EPB41: variants seen among roughly 807,000 people sequenced by gnomAD.
EPB41 encodes the protein protein 4.1.
In EPB41, 65 loss-of-function variants were observed where a neutral mutation model predicts 108.0. That is an observed-to-expected ratio of 0.60 (90% confidence interval 0.49 to 0.74). The LOEUF (loss-of-function observed/expected upper bound fraction) is 0.74. Ranked by LOEUF, EPB41 falls within the 30% of genes least tolerant of loss-of-function variation. EPB41 has a pLI of 0.00. For missense variants in EPB41, 875 were observed against 1,037.0 expected (o/e 0.84, Z 2.15); for synonymous variants, 336 against 358.9 (o/e 0.94, Z 0.72).
chr1:29,095,963 G>T (rs1022306148), intron 16 of EPB41, among the ~76,000 whole-genome samples: 6 of 152,108 alleles, frequency 3.9e-5, no homozygotes, highest in Non-Finnish European at 7.4e-5. Flanking sequence ...AACTTAGGTT[G>T]GAACTGCTTA....
intron 17 of EPB41, among the ~76,000 whole-genome samples, chr1:29,098,907 G>A (rs776814909): frequency 2.0e-5 from 3 of 150,894 alleles, no homozygotes; most frequent in African/African-American, 4.9e-5. Flanking sequence ...TGTATTTTTC[G>A]TAGAGTTGGG....
chr1:28,991,957 T>C lies in EPB41; in HGVS notation c.469-1373T>C, dbSNP rs571733244. Among the ~76,000 whole-genome samples the C allele has an allele frequency of 2.0e-5, 3 of 152,320 alleles. No individual in the cohort carries two copies. In the South Asian group the frequency reaches 6.2e-4, roughly 32 times the overall value. On this transcript the variant is annotated intron_variant, in intron 2 of 20. Coordinates refer to ENST00000343067, the MANE Select transcript of EPB41 (RefSeq NM_001376013.1). ...TAGAATAGTGACTGGCCCATTGTAA[T>C]TGTTGTATAAATGTTTGGTATTATT...
chr1:28,987,825 G>T lies in EPB41; in HGVS notation c.388G>T (p.Ala130Ser). 3.1e-6 allele frequency: 5 copies of T among 1,614,180 alleles called. No individual in the cohort carries two copies. The highest frequency in any genetic ancestry group is 4.2e-6 in the Non-Finnish European group (5 of 1,180,030). ...TCTTGATGAAGAGATCATTTTAAAG[G>T]CCCCAATTGCAGCTCCTGAACCGGA... ...TSLDEEIILKAPIAAPEPELK... is the reference protein window; with the variant it reads ...TSLDEEIILKSPIAAPEPELK... Residue 130 changes from alanine to serine, a missense_variant, in exon 2 of 21, where the codon GCC (alanine) becomes TCC (serine). Physicochemically the swap from Ala to Ser is moderately conservative, Grantham distance 99 (BLOSUM62 1). Transcript: ENST00000343067.
At chr1:29,016,875 C>T (rs527917655) in intron 6 of EPB41, among the ~76,000 whole-genome samples, 1 of 152,304 alleles carries the variant, frequency 6.6e-6, no homozygotes, top group South Asian at 2.1e-4. Context: ...TGCCAACTAT[C>T]TGATTCCAGG....
chr1:29,002,025 G>A (rs567453055), intron 4 of EPB41, among the ~76,000 whole-genome samples: 1 of 152,286 alleles, frequency 6.6e-6, no homozygotes, highest in East Asian at 1.9e-4. Context: ...CATACTAGTT[G>A]CAAGTTAGAT....
At position 29,018,339 on chromosome 1, in the gene EPB41, G is replaced by A; in HGVS notation, c.1021G>A (p.Asp341Asn). The change falls in exon 7 of 21, where the codon GAC becomes AAC. Residue 341 changes from aspartate to asparagine, a missense_variant. By Grantham distance (23) the Asp-to-Asn change is conservative. Transcript: ENST00000343067. The surrounding 1 kb of genome is among the most constrained non-coding windows in gnomAD (Gnocchi z 4.4). ...YTIQSELGDYDPELHGVDYVS... is the reference protein window; with the variant it reads ...YTIQSELGDYNPELHGVDYVS... ...CATCCAGTCTGAACTGGGAGACTAC[G>A]ACCCAGAACTCCATGGCGTGGATTA... 3.7e-6 allele frequency: 6 copies of A among 1,614,066 alleles called. No homozygotes were observed. Among genetic ancestry groups the A allele is most frequent in the African/African-American group, 1.3e-5 (1 of 75,016 alleles).
intron 1 of EPB41, among the ~76,000 whole-genome samples, chr1:28,929,832 C>T (rs967427081): frequency 2.8e-5 from 4 of 144,588 alleles, no homozygotes; most frequent in African/African-American, 1.0e-4. Context: ...CCGCGCCTGG[C>T]ACTGGGCCTT....
intron 3 of EPB41, among the ~76,000 whole-genome samples, chr1:28,996,982 C>G (rs971657764): frequency 7.2e-5 from 11 of 151,944 alleles, no homozygotes; most frequent in African/African-American, 2.7e-4. Context: ...ATGAGACTCT[C>G]TCTACAAAAA....
Position 29,018,200 on chromosome 1 carries a change from A to G in EPB41, c.906-24A>G. 1 of 1,607,650 alleles carries G rather than the reference A, an allele frequency of 6.2e-7. No individual in the cohort carries two copies. The highest frequency in any genetic ancestry group is 8.5e-7 in the Non-Finnish European group (1 of 1,174,546). ...ATTTTGTTGTTGTTGTTGCTGACAT[A>G]ACATTTTTCTCTTTTGGCTGTAGAT... is the stretch of plus-strand genomic sequence containing the variant. On this transcript the variant is annotated intron_variant, in intron 6 of 20. Transcript: ENST00000343067. The surrounding 1 kb of genome is among the most constrained non-coding windows in gnomAD (Gnocchi z 4.4).
chr1:28,951,325 A>C (rs369814862), intron 1 of EPB41, among the ~76,000 whole-genome samples: 3 of 151,570 alleles, frequency 2.0e-5, no homozygotes, highest in Admixed American at 6.6e-5. Context: ...ATTAAAAAAA[A>C]AACAACCCCA....
chr1:29,060,283 C>G, intron 14 of EPB41, 139 bp from the exon 15 acceptor site: 1 of 660,854 alleles, frequency 1.5e-6, no homozygotes. Flanking sequence ...GACTCTCTGA[C>G]CATTTCATGT....
chr1:29,100,030 G>A (rs1664703790), intron 17 of EPB41, among the ~76,000 whole-genome samples: 1 of 152,154 alleles, frequency 6.6e-6, no homozygotes, highest in African/African-American at 2.4e-5. Flanking sequence ...TGACATTTTG[G>A]CTGAGGTCTG....
chr1:28,996,150 A>T (rs1218453056), intron 3 of EPB41, among the ~76,000 whole-genome samples: 2 of 152,238 alleles, frequency 1.3e-5, no homozygotes, highest in Non-Finnish European at 2.9e-5. Context: ...TGTTCAGAAA[A>T]GTTAATTGAA....
chr1:29,069,378 A>AGC, intron 16 of EPB41: 1 of 1,230,306 alleles, frequency 8.1e-7, no homozygotes, highest in Non-Finnish European at 1.0e-6. Flanking sequence ...TTGGGGAGAA[A>AGC]AAACTTTCTT....
At chr1:28,961,856 T>G (rs922525109) in intron 1 of EPB41, among the ~76,000 whole-genome samples, 1 of 152,172 alleles carries the variant, frequency 6.6e-6, no homozygotes, top group Non-Finnish European at 1.5e-5. Context: ...CCATCAATTT[T>G]CTCTTCTTTT....
At chr1:29,109,028 A>C (rs550440435) in intron 17 of EPB41, among the ~76,000 whole-genome samples, 1 of 151,820 alleles carries the variant, frequency 6.6e-6, no homozygotes, top group Admixed American at 6.6e-5. Flanking sequence ...GAGAAACCCC[A>C]TCTCTACTAA....
At chr1:29,047,609 A>C (rs747043532) in intron 11 of EPB41, among the ~76,000 whole-genome samples, 27 of 152,052 alleles carry the variant, frequency 1.8e-4, no homozygotes, top group East Asian at 1.3e-3. Flanking sequence ...ATATATTTAC[A>C]TAAAGCTGGG....
At chr1:29,053,554 TTTTA>T (rs1004746846) in intron 12 of EPB41, 17 of 435,912 alleles carry the variant, frequency 3.9e-5, no homozygotes, top group Non-Finnish European at 6.2e-5. Flanking sequence ...CAACTATTAT[TTTTA>T]TTTATTTATT....
chr1:28,953,030 A>G (rs2094801477), intron 1 of EPB41, among the ~76,000 whole-genome samples: 1 of 152,072 alleles, frequency 6.6e-6, no homozygotes, highest in African/African-American at 2.4e-5. Context: ...CGCCCGGCCC[A>G]AATATCTATT....
Sources: gnomAD v4.1 joint callset for allele counts (sites outside exome capture counted in the v4.1 genomes callset) on GRCh38, gnomAD v4.1.1 for gene constraint, Gnocchi (gnomAD v3.1) non-coding constraint, MANE v1.5 for transcripts, NCBI Gene and HGNC (gene_info 2026-07-23, HGNC 2026-07-21) for gene names.